Variants in AGMO observed in about 807,000 individuals in gnomAD.
The protein encoded by AGMO is glyceryl-ether monooxygenase.
Under a neutral mutation model 60.2 loss-of-function variants are expected in AGMO, and 75 were observed. The observed-to-expected ratio is 1.25, with a 90% CI of 1.03 to 1.51. AGMO has a LOEUF of 1.51. AGMO is among the 40% of genes most tolerant of loss of function. The pLI is 0.00. For synonymous variants in AGMO, 261 were observed against 177.1 expected, an observed-to-expected ratio of 1.47 and a Z score of -3.76; for missense variants, 763 against 525.5, an observed-to-expected ratio of 1.45 and a Z score of -4.42.
chr7:15,376,960 T>A (rs1204838517), intron 10 of AGMO, among the ~76,000 whole-genome samples: 1 of 152,108 alleles, frequency 6.6e-6, no homozygotes, highest in Non-Finnish European at 1.5e-5. Flanking sequence ...CAAAGTTATT[T>A]ATATAGAACT....
At chr7:15,148,248 A>G in the AGMO span, among the ~76,000 whole-genome samples, 1 of 152,128 alleles carries the variant, frequency 6.6e-6, no homozygotes, top group Non-Finnish European at 1.5e-5. Flanking sequence ...TAAATCTCTT[A>G]TGAGTAAAAT....
the AGMO span, among the ~76,000 whole-genome samples, chr7:15,136,800 T>C: frequency 7.9e-5 from 12 of 152,042 alleles, no homozygotes; most frequent in Non-Finnish European, 1.8e-4. Flanking sequence ...TTGGTTTTAT[T>C]TTCTTCCACT....
intron 12 of AGMO, among the ~76,000 whole-genome samples, chr7:15,309,788 C>A (rs1162347559): frequency 6.6e-6 from 1 of 152,028 alleles, no homozygotes; most frequent in Non-Finnish European, 1.5e-5. Flanking sequence ...AACTGGCTTG[C>A]CTAATGTCCC....
intron 12 of AGMO, among the ~76,000 whole-genome samples, chr7:15,328,974 A>G (rs1023481527): frequency 6.6e-6 from 1 of 152,120 alleles, no homozygotes; most frequent in Admixed American, 6.6e-5. Flanking sequence ...CTAAAATAGC[A>G]GTATGGTTTG....
intron 9 of AGMO, 103 bp from the exon 10 acceptor site, chr7:15,385,665 A>T (rs1459311415): frequency 2.4e-5 from 17 of 709,314 alleles, no homozygotes; most frequent in South Asian, 5.0e-5. Context: ...TATTTTTTTT[A>T]AAAAAAGACA....
intron 4 of AGMO, among the ~76,000 whole-genome samples, chr7:15,428,993 C>T (rs759568062): frequency 6.6e-6 from 1 of 151,990 alleles, no homozygotes; most frequent in Non-Finnish European, 1.5e-5. Context: ...TGAACAGTAC[C>T]GATTTCCTCC....
chr7:15,476,346 G>A (rs1177083249), intron 3 of AGMO, among the ~76,000 whole-genome samples: 1 of 152,068 alleles, frequency 6.6e-6, no homozygotes, highest in African/African-American at 2.4e-5. Flanking sequence ...ACTGAAAGTA[G>A]GGAACTATAA....
At chr7:15,289,943 CTTTTTT>C (rs36074413) in intron 12 of AGMO, among the ~76,000 whole-genome samples, 4 of 31,352 alleles carry the variant, frequency 1.3e-4, no homozygotes, top group Non-Finnish European at 2.5e-4. Flanking sequence ...TTCCAGAAAT[CTTTTTT>C]TTTTTTTTTT....
the AGMO span, among the ~76,000 whole-genome samples, chr7:15,190,139 A>T: frequency 6.2e-4 from 1 of 1,614 alleles, no homozygotes; most frequent in Non-Finnish European, 1.3e-3. Context: ...ATATATATAT[A>T]TATATATATA....
intron 12 of AGMO, among the ~76,000 whole-genome samples, chr7:15,209,256 T>G (rs7805376): frequency 0.57 from 86,975 of 151,940 alleles, 25,183 homozygotes; most frequent in African/African-American, 0.65. Flanking sequence ...TACAAAAACT[T>G]CAATCTGGAA....
chr7:15,475,201 C>T (rs1782561815), intron 3 of AGMO, among the ~76,000 whole-genome samples: 1 of 152,062 alleles, frequency 6.6e-6, no homozygotes, highest in Non-Finnish European at 1.5e-5. Flanking sequence ...GTTATATACC[C>T]AAAGGATTAT....
At chr7:15,292,924 A>AT (rs199915825) in intron 12 of AGMO, among the ~76,000 whole-genome samples, 11,084 of 147,878 alleles carry the variant, frequency 0.075, 561 homozygotes, top group South Asian at 0.2. Flanking sequence ...AATCCAGCTA[A>AT]TTTTTTTTTT....
intron 12 of AGMO, among the ~76,000 whole-genome samples, chr7:15,331,653 G>A (rs151150109): frequency 1.4e-3 from 206 of 152,156 alleles, no homozygotes; most frequent in African/African-American, 4.8e-3. Context: ...CCGACCAGGC[G>A]CGGTGGCTCA....
intron 3 of AGMO, among the ~76,000 whole-genome samples, chr7:15,448,400 T>C (rs1325007605): frequency 6.6e-6 from 1 of 152,162 alleles, no homozygotes; most frequent in African/African-American, 2.4e-5. Context: ...ACTAGACACC[T>C]AATCTGCTGA....
chr7:15,199,681 T>C (rs1286999876), downstream of AGMO, among the ~76,000 whole-genome samples: 1 of 152,154 alleles, frequency 6.6e-6, no homozygotes, highest in Admixed American at 6.5e-5. Context: ...CTCCCTACTG[T>C]AACATGATTC....
intron 12 of AGMO, among the ~76,000 whole-genome samples, chr7:15,354,355 G>GT (rs1563104987): frequency 2.6e-4 from 13 of 50,082 alleles, no homozygotes; most frequent in Admixed American, 7.8e-4. Flanking sequence ...CGTGTATATA[G>GT]ACGTGTGTAT....
At chr7:15,260,877 C>T (rs1783247677) in intron 12 of AGMO, among the ~76,000 whole-genome samples, 1 of 151,818 alleles carries the variant, frequency 6.6e-6, no homozygotes, top group African/African-American at 2.4e-5. Context: ...CAAAACCACG[C>T]AAATACATGG....
intron 10 of AGMO, among the ~76,000 whole-genome samples, chr7:15,371,707 T>C (rs1783224476): frequency 9.9e-6 from 1 of 101,412 alleles, no homozygotes; most frequent in African/African-American, 4.5e-5. Context: ...CAACGGCTGA[T>C]TTTTGTATTT....
the AGMO span, among the ~76,000 whole-genome samples, chr7:15,153,032 T>C: frequency 6.6e-6 from 1 of 152,072 alleles, no homozygotes; most frequent in African/African-American, 2.4e-5. Context: ...GGCCATTCTT[T>C]CAGGAGTGAG....
Sources: allele counts gnomAD v4.1 joint callset (sites outside exome capture counted in the v4.1 genomes callset), GRCh38; gene constraint gnomAD v4.1.1; transcripts MANE v1.5; gene names NCBI Gene and HGNC (gene_info 2026-07-23, HGNC 2026-07-21).